The following CEP128 variants were observed in gnomAD, a reference collection of about 807,000 sequenced individuals.
The protein encoded by CEP128 is centrosomal protein 128kDa.
In CEP128, 132 loss-of-function variants were observed where a neutral mutation model predicts 156.7. That is an observed-to-expected ratio of 0.84 (90% CI 0.73 to 0.97). The LOEUF is 0.97. Ranked by LOEUF, CEP128 falls within the 50% of genes least tolerant of loss-of-function variation. The pLI is 0.00. For missense variants in CEP128, 1,252 were observed against 1,281.9 expected, an observed-to-expected ratio of 0.98 and a Z score of 0.36; for synonymous variants, 469 against 448.9, an observed-to-expected ratio of 1.04 and a Z score of -0.57.
At chr14:80,655,884 T>G (rs1298090773) in intron 19 of CEP128, among the ~76,000 whole-genome samples, 1 of 152,140 alleles carries the variant, frequency 6.6e-6, no homozygotes, top group African/African-American at 2.4e-5. Flanking sequence ...AAGGAAGTCC[T>G]TTTTTTGTTT....
At chr14:80,601,481 T>C (rs1323334539) in intron 19 of CEP128, among the ~76,000 whole-genome samples, 2 of 152,032 alleles carry the variant, frequency 1.3e-5, no homozygotes, top group Non-Finnish European at 2.9e-5. Flanking sequence ...TTTAAGAAAG[T>C]TTACAAATTT....
Position 80,555,057 on chromosome 14 carries a change from C to T in CEP128, c.2880+4222G>A, listed in dbSNP as rs113233770. Among the ~76,000 whole-genome samples, 36 of 152,168 alleles carry T rather than the reference C, an allele frequency of 2.4e-4. 1 individual carries two copies. The highest frequency in any genetic ancestry group is 7.9e-4 in the African/African-American group (33 of 41,542). The stretch of plus-strand genomic sequence containing the variant: ...GATCCCTGATGTAAAACATATAAAA[C>T]CCTGATATAAAAAAATCAAGTCTAA... On this transcript the variant is annotated intron_variant, in intron 21 of 24. Transcript: ENST00000555265.
At chr14:80,673,085 A>G (rs1005028471) in intron 19 of CEP128, among the ~76,000 whole-genome samples, 7 of 152,310 alleles carry the variant, frequency 4.6e-5, no homozygotes, top group African/African-American at 1.4e-4. Context: ...GTACTTTCTC[A>G]TATTTAGAGA....
chr14:80,734,526 A>C (rs1010448058), intron 19 of CEP128, among the ~76,000 whole-genome samples: 1 of 152,126 alleles, frequency 6.6e-6, no homozygotes, highest in African/African-American at 2.4e-5. Flanking sequence ...GGCACATAGC[A>C]ATAAATGTTA....
At chr14:80,867,592 T>G (rs896394538) in intron 8 of CEP128, among the ~76,000 whole-genome samples, 2 of 151,992 alleles carry the variant, frequency 1.3e-5, no homozygotes, top group Non-Finnish European at 2.9e-5. Context: ...AACTGAATAA[T>G]TCCAGAGCAA....
At chr14:80,596,006 T>G (rs1307584977) in intron 19 of CEP128, among the ~76,000 whole-genome samples, 2 of 142,988 alleles carry the variant, frequency 1.4e-5, no homozygotes, top group African/African-American at 2.6e-5. Context: ...GAAGCTACAA[T>G]TCAAGGTGAG....
intron 19 of CEP128, among the ~76,000 whole-genome samples, chr14:80,624,996 C>T (rs1383768636): frequency 6.6e-6 from 1 of 152,152 alleles, no homozygotes. Context: ...TTTGCCTAGA[C>T]CAAACTCCTG....
chr14:80,501,241 A>G (rs965448383), intron 24 of CEP128, among the ~76,000 whole-genome samples: 13 of 152,194 alleles, frequency 8.5e-5, no homozygotes, highest in African/African-American at 3.1e-4. Flanking sequence ...GTGAAAGAGA[A>G]GATCCTAAAA....
intron 14 of CEP128, among the ~76,000 whole-genome samples, chr14:80,481,302 A>T (rs1206816348): frequency 6.6e-6 from 1 of 152,102 alleles, no homozygotes; most frequent in Non-Finnish European, 1.5e-5. Context: ...AAAAGCAGAA[A>T]CCCCTGATAA....
At chr14:80,811,401 T>C (rs76839102) in intron 13 of CEP128, among the ~76,000 whole-genome samples, 2,609 of 152,252 alleles carry the variant, frequency 0.017, 39 homozygotes, top group African/African-American at 0.032. Flanking sequence ...CCACCAATAG[T>C]GTAAAAATGA....
At chr14:80,874,277 A>AAACAG in intron 8 of CEP128, among the ~76,000 whole-genome samples, 1 of 152,088 alleles carries the variant, frequency 6.6e-6, no homozygotes, top group East Asian at 1.9e-4. Context: ...CAGCCTGGCC[A>AAACAG]ACATCGCGAA....
At chr14:80,498,811 C>A (rs1232617958) in intron 24 of CEP128, among the ~76,000 whole-genome samples, 1 of 152,214 alleles carries the variant, frequency 6.6e-6, no homozygotes, top group Non-Finnish European at 1.5e-5. Context: ...TACTCCAGAA[C>A]TGAACACTGG....
At chr14:80,929,113 G>GA (rs1050921984) in intron 2 of CEP128, among the ~76,000 whole-genome samples, 6 of 151,322 alleles carry the variant, frequency 4.0e-5, no homozygotes, top group Admixed American at 6.6e-5. Flanking sequence ...CAACAAACAT[G>GA]AAAAAAAATG....
chr14:80,624,959 T>C (rs1893646916), intron 19 of CEP128, among the ~76,000 whole-genome samples: 1 of 152,230 alleles, frequency 6.6e-6, no homozygotes, highest in African/African-American at 2.4e-5. Flanking sequence ...TTGTTGTCTA[T>C]AGTTTTGAAG....
intron 19 of CEP128, among the ~76,000 whole-genome samples, chr14:80,642,400 C>T (rs1894455123): frequency 6.6e-6 from 1 of 152,194 alleles, no homozygotes; most frequent in Admixed American, 6.5e-5. Context: ...ATGAGAGAGA[C>T]AAGGCTGGTG....
intron 19 of CEP128, among the ~76,000 whole-genome samples, chr14:80,584,756 T>G (rs2140461165): frequency 6.6e-6 from 1 of 152,322 alleles, no homozygotes; most frequent in South Asian, 2.1e-4. Context: ...GATTAGTATC[T>G]TTCATTATAA....
At chr14:80,840,369 C>A (rs1265804431) in intron 10 of CEP128, among the ~76,000 whole-genome samples, 1 of 152,122 alleles carries the variant, frequency 6.6e-6, no homozygotes, top group African/African-American at 2.4e-5. Context: ...ATTCAGTCTC[C>A]AAATGACAGG....
At chr14:80,486,204 A>G (rs993319592), downstream of CEP128, among the ~76,000 whole-genome samples, 2 of 152,220 alleles carry the variant, frequency 1.3e-5, no homozygotes, top group Non-Finnish European at 2.9e-5. Context: ...GCCAAGGCTC[A>G]AGAACTAGGC....
At chr14:80,812,063 C>T (rs984441975) in intron 13 of CEP128, among the ~76,000 whole-genome samples, 3 of 152,180 alleles carry the variant, frequency 2.0e-5, no homozygotes, top group South Asian at 2.1e-4. Flanking sequence ...ACCCTCCACC[C>T]TCCAGTAGGC....
Sources: gnomAD v4.1 joint callset for allele counts (sites outside exome capture counted in the v4.1 genomes callset) on GRCh38, gnomAD v4.1.1 for gene constraint, MANE v1.5 for transcripts, NCBI Gene and HGNC (gene_info 2026-07-23, HGNC 2026-07-21) for gene names.